KIAA1217: variants seen among roughly 807,000 people sequenced by gnomAD.
KIAA1217 encodes the protein sickle tail protein homolog.
KIAA1217 carries 88 observed loss-of-function variants against 163.9 expected under a neutral mutation model. The observed-to-expected ratio is 0.54, with a 90% CI of 0.45 to 0.64. The LOEUF is 0.64. KIAA1217 is among the 30% of genes least tolerant of loss of function. The probability of loss-of-function intolerance (pLI) is 0.00; values close to 1 mark genes in which losing one functional copy is unlikely to be tolerated. For missense variants in KIAA1217, 2,372 were observed against 2,475.0 expected (o/e 0.96, Z 0.88); for synonymous variants, 903 against 923.1 (o/e 0.98, Z 0.39).
At chr10:24,014,195 T>A (rs986014027) in intron 2 of KIAA1217, among the ~76,000 whole-genome samples, 1 of 152,096 alleles carries the variant, frequency 6.6e-6, no homozygotes, top group Non-Finnish European at 1.5e-5. Context: ...TTTGGATAAA[T>A]AGTATCTGTA....
intron 2 of KIAA1217, among the ~76,000 whole-genome samples, chr10:24,076,580 C>T (rs912983268): frequency 2.6e-5 from 4 of 152,144 alleles, no homozygotes; most frequent in African/African-American, 9.7e-5. Flanking sequence ...TGCACAGCAA[C>T]TCCATTTATG....
rs147026209 is a variant in KIAA1217 at position 24,261,807 on chromosome 10, A to G, written c.354+41898A>G. ...TAGGTCCTGCCACCATCTATTTTGC[A>G]TGGGAAGGACATTTGCCTGAGCTAA... On this transcript the variant is annotated intron_variant, in intron 2 of 20. Transcript: ENST00000376454. Among the ~76,000 whole-genome samples, 286 of 152,318 alleles carry G rather than the reference A, an allele frequency of 1.9e-3. 4 individuals carry two copies. Among genetic ancestry groups the G allele is most frequent in the African/African-American group, 6.3e-3 (260 of 41,566 alleles).
At chr10:23,724,049 A>G (rs572050914) in intron 1 of KIAA1217, among the ~76,000 whole-genome samples, 32 of 152,236 alleles carry the variant, frequency 2.1e-4, no homozygotes, top group Non-Finnish European at 1.5e-5. Context: ...GCTACACACT[A>G]AAATTACCTA....
chr10:24,476,258 C>T (rs1036779771), intron 6 of KIAA1217, among the ~76,000 whole-genome samples: 1 of 152,144 alleles, frequency 6.6e-6, no homozygotes, highest in African/African-American at 2.4e-5. Context: ...AATGTACATC[C>T]TTGAGCCTCA....
At chr10:23,725,557 A>G (rs1838089761) in intron 1 of KIAA1217, among the ~76,000 whole-genome samples, 2 of 152,200 alleles carry the variant, frequency 1.3e-5, no homozygotes, top group Admixed American at 6.5e-5. Flanking sequence ...ATCTATGAGA[A>G]TATGACATAA....
intron 3 of KIAA1217, among the ~76,000 whole-genome samples, chr10:24,426,825 G>A (rs2059212278): frequency 6.6e-6 from 1 of 152,178 alleles, no homozygotes; most frequent in African/African-American, 2.4e-5. Context: ...CACCGTAAGA[G>A]GTCCAGTCCC....
chr10:24,117,278 C>A (rs1037893076), intron 2 of KIAA1217, among the ~76,000 whole-genome samples: 6 of 152,108 alleles, frequency 3.9e-5, no homozygotes, highest in African/African-American at 1.4e-4. Context: ...CTCAGGTGAT[C>A]CGCCCGCCTT....
rs149427130 is a variant in KIAA1217, at chr10:24,092,904, A to AGTGT, written c.-171+85551_-171+85554dup. Among the ~76,000 whole-genome samples, 1,149 of 145,094 alleles carry AGTGT rather than the reference A, an allele frequency of 7.9e-3. 11 individuals are homozygous for AGTGT. Among genetic ancestry groups the AGTGT allele is most frequent in the Non-Finnish European group, 0.013 (881 of 66,686 alleles). ...AGTGAATTTTACTGTGTGTATGTATAGTGTGTGTGTGTGTGTGTGTGTGTT... is the reference window on the plus strand; with the variant it reads ...AGTGAATTTTACTGTGTGTATGTATAGTGTGTGTGTGTGTGTGTGTGTGTGTGTT... On this transcript the variant is annotated intron_variant, in intron 2 of 18. Coordinates refer to the KIAA1217 transcript ENST00000376462.
intron 2 of KIAA1217, among the ~76,000 whole-genome samples, chr10:24,176,747 G>A (rs1413450756): frequency 6.6e-6 from 1 of 152,238 alleles, no homozygotes; most frequent in Non-Finnish European, 1.5e-5. Flanking sequence ...GCCTTTGGGT[G>A]ATTGATAGGA....
chr10:24,538,144 A>G (rs1313117012), intron 17 of KIAA1217, among the ~76,000 whole-genome samples: 2 of 152,194 alleles, frequency 1.3e-5, no homozygotes, highest in African/African-American at 4.8e-5. Context: ...AAGGAGGTAG[A>G]TGTAGTATCA....
At chr10:23,873,742 A>G (rs1351423187) in intron 1 of KIAA1217, among the ~76,000 whole-genome samples, 2 of 151,716 alleles carry the variant, frequency 1.3e-5, no homozygotes, top group African/African-American at 4.8e-5. Context: ...CTATCTCTCA[A>G]TGCTCAGAAT....
At chr10:23,774,642 C>T (rs1371230108) in intron 1 of KIAA1217, among the ~76,000 whole-genome samples, 2 of 152,084 alleles carry the variant, frequency 1.3e-5, no homozygotes, top group African/African-American at 4.8e-5. Context: ...AGGTGCAGTT[C>T]AGCTCTAACA....
Position 24,081,277 on chromosome 10 carries a change from A to G in KIAA1217, c.-171+73903A>G, listed in dbSNP as rs570791021. 5.3e-4 allele frequency among the ~76,000 whole-genome samples: 81 copies of G among 152,336 alleles called. 1 individual carries two copies. Among genetic ancestry groups the G allele is most frequent in the African/African-American group, 1.9e-3 (79 of 41,566 alleles). The stretch of plus-strand genomic sequence containing the variant: ...GGAAGCCAAGACTGGTTTTATGAAT[A>G]GAGATGTCTTAAATGGCTACGCTAA... On this transcript the variant is annotated intron_variant, in intron 2 of 18. Coordinates refer to the KIAA1217 transcript ENST00000376462.
At chr10:24,242,570 C>T (rs531745989) in intron 2 of KIAA1217, among the ~76,000 whole-genome samples, 2 of 152,180 alleles carry the variant, frequency 1.3e-5, no homozygotes, top group East Asian at 1.9e-4. Flanking sequence ...TGTGTCTTCT[C>T]GGTATAATGA....
intron 2 of KIAA1217, among the ~76,000 whole-genome samples, chr10:24,237,914 G>T (rs1239595774): frequency 6.6e-6 from 1 of 152,222 alleles, no homozygotes; most frequent in South Asian, 2.1e-4. Flanking sequence ...CTACGGCAAT[G>T]CAACGCTTAC....
At chr10:24,108,868 GTT>G (rs1212121613) in intron 2 of KIAA1217, among the ~76,000 whole-genome samples, 1 of 152,192 alleles carries the variant, frequency 6.6e-6, no homozygotes, top group East Asian at 1.9e-4. Flanking sequence ...GTTTCACTCT[GTT>G]GCCCAGGCTG....
intron 2 of KIAA1217, among the ~76,000 whole-genome samples, chr10:24,016,792 A>T (rs1847498541): frequency 6.6e-6 from 1 of 152,056 alleles, no homozygotes. Context: ...CCAACCTCAT[A>T]CATTTATTTT....
intron 2 of KIAA1217, among the ~76,000 whole-genome samples, chr10:24,342,522 G>A (rs963963760): frequency 2.0e-5 from 3 of 152,056 alleles, no homozygotes; most frequent in African/African-American, 7.2e-5. Flanking sequence ...GCATATCCCA[G>A]TAGATAGATG....
intron 11 of KIAA1217, among the ~76,000 whole-genome samples, chr10:24,520,645 AAAAAAAAT>A: frequency 1.2e-5 from 1 of 86,468 alleles, no homozygotes; most frequent in South Asian, 3.4e-4. Context: ...AAAAAAAAAA[AAAAAAAAT>A]ATATATATAT....
Sources: gnomAD v4.1 joint callset for allele counts (sites outside exome capture counted in the v4.1 genomes callset) on GRCh38, gnomAD v4.1.1 for gene constraint, MANE v1.5 for transcripts, NCBI Gene and HGNC (gene_info 2026-07-23, HGNC 2026-07-21) for gene names.